Variants in RUNDC3B observed in about 807,000 individuals in gnomAD.
RUNDC3B encodes RUN domain-containing protein 3B.
A neutral mutation model predicts 58.4 loss-of-function variants in RUNDC3B; 33 were observed. That is an observed-to-expected ratio of 0.56 (90% CI 0.43 to 0.75). The LOEUF is 0.75. Ranked by LOEUF, RUNDC3B falls within the 30% of genes least tolerant of loss-of-function variation. The pLI is 0.00. For synonymous variants in RUNDC3B, 193 were observed against 195.2 expected, an observed-to-expected ratio of 0.99 and a Z score of 0.10; for missense variants, 501 against 535.7, an observed-to-expected ratio of 0.94 and a Z score of 0.64.
chr7:87,781,462 T>G (rs982803084), intron 8 of RUNDC3B, among the ~76,000 whole-genome samples: 4 of 152,130 alleles, frequency 2.6e-5, no homozygotes, highest in African/African-American at 9.7e-5. Flanking sequence ...TTTACCTATT[T>G]GGATGCTTTT....
At chr7:87,631,138 C>T (rs1277854356) in intron 1 of RUNDC3B, among the ~76,000 whole-genome samples, 1 of 152,090 alleles carries the variant, frequency 6.6e-6, no homozygotes, top group Non-Finnish European at 1.5e-5. Context: ...GGCTGTTTTT[C>T]AGATCCAAAT....
intron 3 of RUNDC3B, among the ~76,000 whole-genome samples, chr7:87,709,865 T>C (rs1829912546): frequency 1.3e-5 from 2 of 152,222 alleles, no homozygotes; most frequent in Admixed American, 6.5e-5. Flanking sequence ...TGATCTCTTA[T>C]ATTCTTTAGT....
chr7:87,713,900 G>A (rs1830311700), intron 4 of RUNDC3B, among the ~76,000 whole-genome samples: 1 of 152,048 alleles, frequency 6.6e-6, no homozygotes. Context: ...AAATTCATTT[G>A]TTTACTTTGC....
chr7:87,779,209 TTAAA>T (rs1312548581), intron 8 of RUNDC3B, among the ~76,000 whole-genome samples: 1 of 152,220 alleles, frequency 6.6e-6, no homozygotes, highest in Non-Finnish European at 1.5e-5. Context: ...TGTCAAAAGT[TTAAA>T]TAATGTCCCT....
intron 1 of RUNDC3B, among the ~76,000 whole-genome samples, chr7:87,644,330 C>G (rs147831762): frequency 6.6e-6 from 1 of 152,310 alleles, no homozygotes; most frequent in East Asian, 1.9e-4. Flanking sequence ...AAGCCATCTC[C>G]TTGTTGATCA....
intron 6 of RUNDC3B, among the ~76,000 whole-genome samples, chr7:87,761,514 AG>A (rs1400060985): frequency 2.6e-5 from 4 of 151,952 alleles, no homozygotes; most frequent in African/African-American, 9.7e-5. Flanking sequence ...GCGGTCAAAC[AG>A]AAACTTTTAC....
chr7:87,757,253 T>C (rs1563189131), intron 6 of RUNDC3B, among the ~76,000 whole-genome samples: 5 of 152,140 alleles, frequency 3.3e-5, no homozygotes, highest in Admixed American at 2.6e-4. Flanking sequence ...CTATATACTA[T>C]AGTTATGCTT....
At chr7:87,703,412 G>C (rs145818951) in intron 3 of RUNDC3B, among the ~76,000 whole-genome samples, 1 of 152,046 alleles carries the variant, frequency 6.6e-6, no homozygotes, top group South Asian at 2.1e-4. Flanking sequence ...AACATTTTTA[G>C]CTCCTTAATA....
At chr7:87,778,319 T>C (rs552492553) in intron 8 of RUNDC3B, among the ~76,000 whole-genome samples, 1 of 151,848 alleles carries the variant, frequency 6.6e-6, no homozygotes, top group South Asian at 2.1e-4. Context: ...GGCATATGTC[T>C]ATAGTCCCAG....
At position 87,628,692 on chromosome 7, in the gene RUNDC3B, C is replaced by T. The variant is rs879811583; in HGVS notation, c.-132C>T. ...AGTCCCTGCTGTCTTCCACACCCTT[C>T]CTCCCTCCAGGCTCCTTTCCTACAT... On this transcript the variant is annotated 5_prime_UTR_variant, in exon 1 of 11. Coordinates refer to ENST00000394654, the MANE Select transcript of RUNDC3B (RefSeq NM_001134405.2). 1.9e-6 allele frequency: 1 copy of T among 525,916 alleles called. No individual in the cohort carries two copies. Among genetic ancestry groups the T allele is most frequent in the African/African-American group, 2.0e-5 (1 of 51,122 alleles). 32.6% of individuals were successfully genotyped at this position (525,916 alleles called of 1,614,324 possible).
At chr7:87,695,242 T>C (rs1185233551) in intron 2 of RUNDC3B, among the ~76,000 whole-genome samples, 1 of 152,148 alleles carries the variant, frequency 6.6e-6, no homozygotes, top group African/African-American at 2.4e-5. Context: ...AATTTTACCT[T>C]CAAAGCTGGA....
chr7:87,758,446 ACAGG>A (rs1489648989), intron 6 of RUNDC3B, among the ~76,000 whole-genome samples: 1 of 152,230 alleles, frequency 6.6e-6, no homozygotes, highest in Non-Finnish European at 1.5e-5. Context: ...CCTCAAAAGT[ACAGG>A]CAACCAAAGC....
In RUNDC3B at chr7:87,722,007, G is replaced by A. The variant is rs183967046; in HGVS notation, c.458+11352G>A. Among the ~76,000 whole-genome samples the A allele has an allele frequency of 2.9e-3, 436 of 151,178 alleles. 3 individuals are homozygous for A. Among genetic ancestry groups the A allele is most frequent in the African/African-American group, 9.6e-3 (394 of 41,218 alleles). On this transcript the variant is annotated intron_variant, in intron 4 of 10. Transcript: ENST00000394654. ...TAAGAAACTCTCATTTTTAAATTCC[G>A]GAAACAAAATTTATCTTTTGTTCAT...
At position 87,628,792 on chromosome 7, in the gene RUNDC3B, C is replaced by G; in HGVS notation, c.-32C>G. On this transcript the variant is annotated 5_prime_UTR_variant, in exon 1 of 11. Coordinates refer to ENST00000394654, the MANE Select transcript of RUNDC3B (RefSeq NM_001134405.2). The stretch of plus-strand genomic sequence containing the variant: ...GGTGTGGGGGGCGTGCGGGGTGGCA[C>G]GAGACAAAAGGGGCACGGGGGTAAG... 1 of 1,201,694 alleles carries G rather than the reference C, an allele frequency of 8.3e-7. No individual in the cohort carries two copies. Among genetic ancestry groups the G allele is most frequent in the Non-Finnish European group, 1.1e-6 (1 of 946,868 alleles). The allele number at this position is 1,201,694 out of a possible 1,614,324, so 74.4% of individuals were successfully genotyped here.
intron 10 of RUNDC3B, among the ~76,000 whole-genome samples, chr7:87,820,300 A>C (rs934383249): frequency 6.6e-6 from 1 of 152,216 alleles, no homozygotes; most frequent in Non-Finnish European, 1.5e-5. Context: ...GAAATGGATA[A>C]ATTCCTCGAC....
At chr7:87,695,149 CTAAT>C (rs1455967776) in intron 2 of RUNDC3B, among the ~76,000 whole-genome samples, 1 of 152,008 alleles carries the variant, frequency 6.6e-6, no homozygotes. Flanking sequence ...TAAAGTGTAA[CTAAT>C]TATTTTTAAG....
chr7:87,645,081 C>CTTTTTTTTTT, intron 1 of RUNDC3B, among the ~76,000 whole-genome samples: 1 of 128,098 alleles, frequency 7.8e-6, no homozygotes, highest in Non-Finnish European at 1.7e-5. Context: ...TGCTTTCTTT[C>CTTTTTTTTTT]TTTTTTTTTT....
intron 2 of RUNDC3B, among the ~76,000 whole-genome samples, chr7:87,686,383 A>G (rs1827459207): frequency 1.3e-5 from 2 of 152,200 alleles, no homozygotes; most frequent in South Asian, 2.1e-4. Flanking sequence ...ACAAAGGAGT[A>G]TATCTGTTTT....
intron 10 of RUNDC3B, among the ~76,000 whole-genome samples, chr7:87,825,090 C>G (rs779035419): frequency 6.6e-6 from 1 of 151,930 alleles, no homozygotes; most frequent in African/African-American, 2.4e-5. Flanking sequence ...GGCATGGTGG[C>G]GGGTGCCTGT....
Sources: allele counts gnomAD v4.1 joint callset (sites outside exome capture counted in the v4.1 genomes callset), GRCh38; gene constraint gnomAD v4.1.1; transcripts MANE v1.5; gene names NCBI Gene and HGNC (gene_info 2026-07-23, HGNC 2026-07-21).